Variants in TBC1D30 observed in about 807,000 individuals in gnomAD.
TBC1D30 encodes the protein TBC1 domain family member 30, also known as TBC1 domain family, member 30.
TBC1D30 carries 31 observed loss-of-function variants against 63.2 expected under a neutral mutation model. The ratio of observed to expected loss-of-function variants is 0.49; its 90% confidence interval spans 0.37 to 0.66. TBC1D30 has a LOEUF of 0.66. Among genes scored for constraint, TBC1D30 ranks in the 30% least tolerant of loss-of-function variants. The pLI, the probability that TBC1D30 is intolerant of heterozygous loss-of-function variation, is 0.00. For missense variants in TBC1D30, 810 were observed against 953.6 expected (o/e 0.85, Z 1.98); for synonymous variants, 307 against 361.5 (o/e 0.85, Z 1.71).
intron 1 of TBC1D30, among the ~76,000 whole-genome samples, chr12:64,764,044 T>A (rs1412697406): frequency 6.6e-6 from 1 of 152,242 alleles, no homozygotes; most frequent in Non-Finnish European, 1.5e-5. Context: ...ATAACAATCT[T>A]GTTTTACTTT....
chr12:64,845,522 C>T (rs7963746), intron 8 of TBC1D30, among the ~76,000 whole-genome samples: 5,878 of 151,950 alleles, frequency 0.039, 373 homozygotes, highest in African/African-American at 0.13. Flanking sequence ...GTCAGGAGAT[C>T]GAGACCATCC....
At chr12:64,816,628 C>T (rs1335171787) in intron 2 of TBC1D30, among the ~76,000 whole-genome samples, 3 of 152,214 alleles carry the variant, frequency 2.0e-5, no homozygotes, top group African/African-American at 7.2e-5. Flanking sequence ...AATGTCCTTT[C>T]ACAGCATCCC....
chr12:64,784,888 T>C (rs1871474465), intron 1 of TBC1D30, among the ~76,000 whole-genome samples: 1 of 151,704 alleles, frequency 6.6e-6, no homozygotes, highest in Non-Finnish European at 1.5e-5. Flanking sequence ...AAAAAACTGC[T>C]GTTGTGAATA....
chr12:64,836,804 A>AAACAAAACTGAC, intron 6 of TBC1D30, 146 bp downstream of exon 6: 1 of 871,834 alleles, frequency 1.1e-6, no homozygotes, highest in Non-Finnish European at 1.7e-6. Context: ...TAGAGAATGA[A>AAACAAAACTGAC]AACAAAACTG....
chr12:64,799,173 G>A (rs1007192422), intron 2 of TBC1D30, among the ~76,000 whole-genome samples: 13 of 152,022 alleles, frequency 8.6e-5, no homozygotes, highest in South Asian at 2.1e-4. Context: ...GATGGGATGG[G>A]AGGGGGGCAC....
At chr12:64,809,675 C>T (rs1873095068) in intron 2 of TBC1D30, among the ~76,000 whole-genome samples, 1 of 152,182 alleles carries the variant, frequency 6.6e-6, no homozygotes, top group Non-Finnish European at 1.5e-5. Context: ...GCCTTCTGGC[C>T]TGTTCCAGTC....
chr12:64,823,870 G>A (rs145289431), upstream of TBC1D30, among the ~76,000 whole-genome samples: 3 of 152,074 alleles, frequency 2.0e-5, no homozygotes, highest in Non-Finnish European at 2.9e-5. Flanking sequence ...ATCAAGAGAG[G>A]ACTCAGTTTT....
In TBC1D30 at chr12:64,843,370, C is replaced by G; in HGVS notation, c.933-10C>G. ...AAACAAGTTGTATTTTCTGTCCTTT[C>G]TTTATCTAGGCAGATAGAATGTTGT... On this transcript the variant is annotated splice_polypyrimidine_tract_variant and intron_variant, in intron 7 of 11. Coordinates refer to ENST00000539867, the MANE Select transcript of TBC1D30 (RefSeq NM_015279.2). 1 of 1,535,572 alleles carries G rather than the reference C, an allele frequency of 6.5e-7. No homozygotes were observed. The highest frequency in any genetic ancestry group is 1.4e-5 in the African/African-American group (1 of 73,158).
At chr12:64,760,553 AAAACAAAC>A (rs989833634) in intron 1 of TBC1D30, among the ~76,000 whole-genome samples, 2 of 152,118 alleles carry the variant, frequency 1.3e-5, no homozygotes, top group Non-Finnish European at 2.9e-5. Context: ...CTCTTGTCTC[AAAACAAAC>A]AAACAAACAA....
At chr12:64,847,161 GAT>G (rs1592630776) in intron 8 of TBC1D30, among the ~76,000 whole-genome samples, 1 of 149,156 alleles carries the variant, frequency 6.7e-6, no homozygotes, top group East Asian at 2.0e-4. Context: ...TAGATTTTCT[GAT>G]TTATTGGTAT....
At chr12:64,796,058 G>T (rs1001401135) in intron 2 of TBC1D30, among the ~76,000 whole-genome samples, 3 of 151,638 alleles carry the variant, frequency 2.0e-5, no homozygotes, top group Admixed American at 6.6e-5. Flanking sequence ...CTAGATGAAA[G>T]AAACTGATTG....
chr12:64,860,020 T>C (rs142338010), intron 8 of TBC1D30, among the ~76,000 whole-genome samples: 1,725 of 150,308 alleles, frequency 0.011, 41 homozygotes, highest in Admixed American at 0.061. Flanking sequence ...TCTTCTTCTT[T>C]TTTTTTTTTT....
At chr12:64,810,795 A>C (rs1298924603) in intron 2 of TBC1D30, among the ~76,000 whole-genome samples, 1 of 152,206 alleles carries the variant, frequency 6.6e-6, no homozygotes, top group Non-Finnish European at 1.5e-5. Flanking sequence ...TTCTCCTGGG[A>C]ATTCCTCCTG....
chr12:64,806,566 G>A lies in TBC1D30; in HGVS notation c.643+20521G>A, dbSNP rs1872884394. 7.2e-5 allele frequency among the ~76,000 whole-genome samples: 11 copies of A among 152,154 alleles called. No homozygotes were observed. The South Asian group carries it at 2.3e-3, about 32-fold the overall frequency. On this transcript the variant is annotated intron_variant, in intron 2 of 12. Coordinates refer to the TBC1D30 transcript ENST00000542120. ...TGTGGAAAAACATTGAAACCCTTGT[G>A]CACGGTTGATGAGAATGTAAAATGG...
chr12:64,853,148 C>G (rs1877017376), intron 8 of TBC1D30, among the ~76,000 whole-genome samples: 1 of 152,250 alleles, frequency 6.6e-6, no homozygotes, highest in South Asian at 2.1e-4. Context: ...CTATAAGCCC[C>G]TGACTGGGGC....
At chr12:64,851,127 C>T (rs947624584) in intron 8 of TBC1D30, among the ~76,000 whole-genome samples, 1 of 152,166 alleles carries the variant, frequency 6.6e-6, no homozygotes, top group African/African-American at 2.4e-5. Flanking sequence ...TTTCCTGTAT[C>T]ATTTTTTATT....
intron 2 of TBC1D30, among the ~76,000 whole-genome samples, chr12:64,804,558 T>C (rs1299492439): frequency 6.6e-6 from 1 of 152,242 alleles, no homozygotes; most frequent in Non-Finnish European, 1.5e-5. Context: ...GGCATCCCTG[T>C]CTTGTGCCAG....
At chr12:64,834,091 C>T (rs536945352) in intron 5 of TBC1D30, among the ~76,000 whole-genome samples, 1 of 152,168 alleles carries the variant, frequency 6.6e-6, no homozygotes, top group Admixed American at 6.5e-5. Flanking sequence ...ATATTTCAGC[C>T]CCCACGAAAA....
At chr12:64,838,358 C>T (rs920774212) in intron 6 of TBC1D30, among the ~76,000 whole-genome samples, 1 of 152,150 alleles carries the variant, frequency 6.6e-6, no homozygotes, top group Non-Finnish European at 1.5e-5. Context: ...TTTTGAGAGG[C>T]TTAAGTCCTT....
Sources: allele counts gnomAD v4.1 joint callset (sites outside exome capture counted in the v4.1 genomes callset), GRCh38; gene constraint gnomAD v4.1.1; transcripts MANE v1.5; gene names NCBI Gene and HGNC (gene_info 2026-07-23, HGNC 2026-07-21).